The following CYP4F22 variants were observed in gnomAD, a reference collection of about 807,000 sequenced individuals.
CYP4F22 encodes ultra-long-chain fatty acid omega-hydroxylase.
Under a neutral mutation model 60.4 loss-of-function variants are expected in CYP4F22, and 37 were observed. The observed-to-expected ratio is 0.61, with a 90% confidence interval of 0.47 to 0.81. CYP4F22 has a LOEUF of 0.81. CYP4F22 is among the 30% of genes least tolerant of loss of function. CYP4F22 has a pLI of 0.00. For missense variants in CYP4F22, 655 were observed against 715.0 expected (o/e 0.92, Z 0.96); for synonymous variants, 258 against 280.5 (o/e 0.92, Z 0.80).
At chr19:15,520,946 T>A (rs543585055) in intron 1 of CYP4F22, among the ~76,000 whole-genome samples, 15 of 152,008 alleles carry the variant, frequency 9.9e-5, no homozygotes, top group Non-Finnish European at 2.2e-4. Context: ...TTTTTGTATT[T>A]TTAGTAGAGA....
At chr19:15,544,858 C>T (rs573701470) in intron 10 of CYP4F22, among the ~76,000 whole-genome samples, 3 of 151,976 alleles carry the variant, frequency 2.0e-5, no homozygotes, top group South Asian at 2.1e-4. Context: ...ATCAGGAGTT[C>T]GAGATCAACC....
Position 15,549,009 on chromosome 19 carries a change from A to G in CYP4F22, c.1271-129A>G, listed in dbSNP as rs1971564518. 11 of 980,068 alleles carry G rather than the reference A, an allele frequency of 1.1e-5. No homozygotes were observed. The Admixed American group carries it at 2.0e-4, about 18-fold the overall frequency. The allele number at this position is 980,068 out of a possible 1,614,324, so 60.7% of individuals were successfully genotyped here. A position where few individuals can be genotyped will look rare whatever the true frequency, so the allele number is the denominator to read the frequency against. On this transcript the variant is annotated intron_variant, in intron 11 of 13. Coordinates refer to ENST00000269703, the MANE Select transcript of CYP4F22 (RefSeq NM_173483.4). The stretch of plus-strand genomic sequence containing the variant: ...ATGGGGCAGCAGAATTTTTTAGAGA[A>G]GGATGGACAGAAGGTGGTGGCAGAT...
chr19:15,533,010 G>T (rs974232482), intron 4 of CYP4F22, among the ~76,000 whole-genome samples: 4 of 152,148 alleles, frequency 2.6e-5, no homozygotes, highest in Non-Finnish European at 5.9e-5. Context: ...ACACCACCCT[G>T]GATCAGGACC....
chr19:15,526,808 A>G (rs1291141695), intron 3 of CYP4F22, among the ~76,000 whole-genome samples: 4 of 150,432 alleles, frequency 2.7e-5, no homozygotes, highest in Non-Finnish European at 5.9e-5. Context: ...GCAGTGGTAC[A>G]ATCATGGCTC....
intron 4 of CYP4F22, 88 bp from the exon 5 acceptor site, chr19:15,537,273 C>G: frequency 6.4e-7 from 1 of 1,560,310 alleles, no homozygotes; most frequent in Non-Finnish European, 8.8e-7. Flanking sequence ...TGCACTCCAG[C>G]CTGGATGACA....
At chr19:15,518,422 C>T (rs1444451665) in intron 1 of CYP4F22, among the ~76,000 whole-genome samples, 1 of 149,946 alleles carries the variant, frequency 6.7e-6, no homozygotes, top group East Asian at 2.0e-4. Flanking sequence ...GGGCGGAACA[C>T]GAGGTCAGGA....
chr19:15,514,033 A>C (rs958097379), intron 1 of CYP4F22, among the ~76,000 whole-genome samples: 4 of 152,248 alleles, frequency 2.6e-5, no homozygotes, highest in African/African-American at 9.6e-5. Flanking sequence ...CTTAAAGAAT[A>C]TTTAAAATGG....
At chr19:15,547,831 AAAAG>A (rs1226177859) in intron 10 of CYP4F22, among the ~76,000 whole-genome samples, 3 of 151,922 alleles carry the variant, frequency 2.0e-5, no homozygotes, top group African/African-American at 4.8e-5. Context: ...TTAAAAAAAA[AAAAG>A]AAAGAAAAAG....
chr19:15,531,573 G>A (rs1315831590), intron 4 of CYP4F22, among the ~76,000 whole-genome samples: 2 of 152,108 alleles, frequency 1.3e-5, no homozygotes, highest in Non-Finnish European at 2.9e-5. Context: ...CATTTGTGAA[G>A]GGATGACGAT....
intron 4 of CYP4F22, among the ~76,000 whole-genome samples, chr19:15,530,753 A>G (rs1250880399): frequency 1.3e-5 from 2 of 152,110 alleles, no homozygotes; most frequent in South Asian, 2.1e-4. Flanking sequence ...CTCATTCACT[A>G]TCATGGGAAC....
chr19:15,541,103 C>T (rs1278177273), intron 8 of CYP4F22, among the ~76,000 whole-genome samples: 1 of 152,190 alleles, frequency 6.6e-6, no homozygotes, highest in Admixed American at 6.5e-5. Context: ...AAACAATACA[C>T]ATGCTCAAAA....
intron 7 of CYP4F22, among the ~76,000 whole-genome samples, chr19:15,539,888 G>A (rs1327362287): frequency 6.6e-6 from 1 of 152,194 alleles, no homozygotes; most frequent in Non-Finnish European, 1.5e-5. Flanking sequence ...CTGGTGACCA[G>A]TGCTGTTAAG....
At chr19:15,536,971 C>A (rs1194497234) in intron 4 of CYP4F22, among the ~76,000 whole-genome samples, 1 of 152,040 alleles carries the variant, frequency 6.6e-6, no homozygotes, top group Non-Finnish European at 1.5e-5. Flanking sequence ...GTGAGGAGGA[C>A]TAAGGAAGTC....
intron 11 of CYP4F22, 84 bp downstream of exon 11, chr19:15,548,325 T>A: frequency 6.4e-7 from 1 of 1,569,064 alleles, no homozygotes; most frequent in Non-Finnish European, 8.7e-7. Flanking sequence ...TGGCTATGCC[T>A]GCCCCAGGTG....
chr19:15,520,618 C>T (rs1464023339), intron 1 of CYP4F22, among the ~76,000 whole-genome samples: 7 of 152,020 alleles, frequency 4.6e-5, no homozygotes, highest in South Asian at 2.1e-4. Flanking sequence ...GATGGAATCT[C>T]GCTCTGTCAC....
intron 12 of CYP4F22, among the ~76,000 whole-genome samples, chr19:15,550,081 AC>A (rs1555730463): frequency 6.6e-6 from 1 of 152,076 alleles, no homozygotes; most frequent in Non-Finnish European, 1.5e-5. Context: ...GGTGTGTGCC[AC>A]CATGCCTGGC....
Position 15,537,370 on chromosome 19 carries a change from C to A in CYP4F22, c.377C>A (p.Ala126Asp), listed in dbSNP as rs772977381. ...KPLLGASAAI[A>D]PKDDLFYGFL... is the part of the protein sequence containing the mutation. ...CCTTTGCCCTCCACAGCTGCCATCG[C>A]CCCCAAGGATGACCTCTTCTATGGC... is the stretch of plus-strand genomic sequence containing the variant. Residue 126 changes from alanine to aspartate, a missense_variant, in exon 5 of 14, where the codon GCC (alanine) becomes GAC (aspartate). Around this residue, in one of 3 missense-constraint regions of CYP4F22, gnomAD observed 430 missense variants for 457.1 expected, o/e 0.94. Coordinates refer to ENST00000269703, the MANE Select transcript of CYP4F22 (RefSeq NM_173483.4). 9 of 1,613,960 alleles carry A rather than the reference C, an allele frequency of 5.6e-6. No individual in the cohort carries two copies. Among genetic ancestry groups the A allele is most frequent in the Admixed American group, 5.0e-5 (3 of 59,990 alleles).
chr19:15,546,065 C>T (rs1971523210), intron 10 of CYP4F22, among the ~76,000 whole-genome samples: 1 of 152,086 alleles, frequency 6.6e-6, no homozygotes, highest in Non-Finnish European at 1.5e-5. Flanking sequence ...GCCTCAAACT[C>T]CTGGGCTCAG....
chr19:15,524,318 A>T (rs141286475), intron 2 of CYP4F22, among the ~76,000 whole-genome samples: 1 of 152,328 alleles, frequency 6.6e-6, no homozygotes, highest in African/African-American at 2.4e-5. Context: ...GGAAGTGGCT[A>T]CTAACAGGGA....
Sources: allele counts gnomAD v4.1 joint callset (sites outside exome capture counted in the v4.1 genomes callset), GRCh38; gene constraint gnomAD v4.1.1; regional missense constraint gnomAD v4.1.1; transcripts MANE v1.5; gene names NCBI Gene and HGNC (gene_info 2026-07-23, HGNC 2026-07-21).